The following CPVL variants were observed in gnomAD, a reference collection of about 807,000 sequenced individuals.
CPVL encodes the protein probable serine carboxypeptidase CPVL.
Under a neutral mutation model 63.7 loss-of-function variants are expected in CPVL, and 51 were observed. That is an observed-to-expected ratio of 0.80 (90% confidence interval 0.64 to 1.01). The LOEUF is 1.01. Ranked by LOEUF, CPVL falls within the 50% of genes least tolerant of loss-of-function variation. CPVL has a pLI of 0.00. For missense variants in CPVL, 530 were observed against 573.1 expected (o/e 0.92, Z 0.77); for synonymous variants, 195 against 206.0 (o/e 0.95, Z 0.46).
At chr7:29,027,159 C>T (rs1406079900) in intron 12 of CPVL, among the ~76,000 whole-genome samples, 1 of 152,010 alleles carries the variant, frequency 6.6e-6, no homozygotes. Context: ...GGAATTTATC[C>T]CAGAAATGCA....
chr7:29,164,779 C>CAAAAAAAAA (rs55742522), intron 5 of CPVL, among the ~76,000 whole-genome samples: 1 of 85,880 alleles, frequency 1.2e-5, no homozygotes, highest in South Asian at 4.5e-4. Flanking sequence ...AGACCTGTCT[C>CAAAAAAAAA]AAAAAAAAAA....
chr7:29,145,300 G>A (rs534101087), intron 1 of CPVL, among the ~76,000 whole-genome samples: 9 of 151,878 alleles, frequency 5.9e-5, no homozygotes, highest in Admixed American at 2.0e-4. Context: ...ACATTTAGCC[G>A]GGGAAGGGAA....
intron 2 of CPVL, among the ~76,000 whole-genome samples, chr7:29,120,493 T>C (rs1219985655): frequency 6.6e-6 from 1 of 151,856 alleles, no homozygotes; most frequent in African/African-American, 2.4e-5. Context: ...GTAAAAATAC[T>C]GAAATATATT....
At chr7:29,044,219 C>T (rs1307744542) in intron 11 of CPVL, among the ~76,000 whole-genome samples, 1 of 152,088 alleles carries the variant, frequency 6.6e-6, no homozygotes, top group African/African-American at 2.4e-5. Flanking sequence ...GAGTTCAAGA[C>T]CAGCCTGGTC....
At chr7:29,111,863 T>C (rs1230229322) in intron 3 of CPVL, among the ~76,000 whole-genome samples, 2 of 152,254 alleles carry the variant, frequency 1.3e-5, no homozygotes, top group Non-Finnish European at 2.9e-5. Flanking sequence ...TCCATAGGGA[T>C]AGCTTTTTCT....
chr7:29,071,712 C>CGG, intron 9 of CPVL, 61 bp downstream of exon 9: 12 of 618,252 alleles, frequency 1.9e-5, no homozygotes, highest in Non-Finnish European at 3.1e-5. Context: ...CCTGCTCACC[C>CGG]GCCCTCCCTC....
intron 3 of CPVL, among the ~76,000 whole-genome samples, chr7:29,099,871 C>T (rs1369504230): frequency 6.6e-6 from 1 of 152,184 alleles, no homozygotes; most frequent in Non-Finnish European, 1.5e-5. Context: ...CCTCAGTTTC[C>T]TCGTCTGTCA....
intron 1 of CPVL, among the ~76,000 whole-genome samples, chr7:29,123,678 G>A: frequency 1.0e-5 from 1 of 99,680 alleles, no homozygotes; most frequent in African/African-American, 3.7e-5. Context: ...AAAAAATAAT[G>A]GAAGAAGCTC....
intron 11 of CPVL, among the ~76,000 whole-genome samples, chr7:29,046,602 C>T (rs1584091360): frequency 6.6e-6 from 1 of 151,944 alleles, no homozygotes; most frequent in Admixed American, 6.6e-5. Context: ...CATACTCATA[C>T]ACGGTCTTTG....
At chr7:29,129,755 CACT>C (rs1429385125) in intron 1 of CPVL, among the ~76,000 whole-genome samples, 1 of 152,094 alleles carries the variant, frequency 6.6e-6, no homozygotes, top group Non-Finnish European at 1.5e-5. Context: ...GTGTGAGCCA[CACT>C]ACTTTTAATT....
chr7:29,172,524 T>C (rs1218363545), intron 5 of CPVL, among the ~76,000 whole-genome samples: 1 of 152,224 alleles, frequency 6.6e-6, no homozygotes, highest in Non-Finnish European at 1.5e-5. Flanking sequence ...TTGGAATCAA[T>C]TTGATTTCCC....
chr7:29,147,661 C>G (rs979752923), upstream of CPVL, among the ~76,000 whole-genome samples: 9 of 152,162 alleles, frequency 5.9e-5, no homozygotes, highest in Non-Finnish European at 1.2e-4. Flanking sequence ...GGAAGTACTT[C>G]CTACCCACCT....
At chr7:29,007,756 C>T (rs1258865953) in intron 12 of CPVL, among the ~76,000 whole-genome samples, 3 of 151,558 alleles carry the variant, frequency 2.0e-5, no homozygotes, top group Admixed American at 2.0e-4. Context: ...TATTAAAACA[C>T]ACACACACAC....
At chr7:29,055,979 T>A (rs1790692735) in intron 11 of CPVL, among the ~76,000 whole-genome samples, 1 of 152,152 alleles carries the variant, frequency 6.6e-6, no homozygotes, top group Non-Finnish European at 1.5e-5. Context: ...TCTATCCCCT[T>A]TACTAGGAAG....
At chr7:29,020,192 G>A (rs1168752009) in intron 12 of CPVL, among the ~76,000 whole-genome samples, 2 of 152,134 alleles carry the variant, frequency 1.3e-5, no homozygotes, top group African/African-American at 4.8e-5. Context: ...CACAAGGCTG[G>A]TTCAGGGGAT....
At chr7:29,036,407 C>G (rs1194037826) in intron 11 of CPVL, among the ~76,000 whole-genome samples, 1 of 152,190 alleles carries the variant, frequency 6.6e-6, no homozygotes, top group East Asian at 1.9e-4. Flanking sequence ...ATTGGAGAGA[C>G]TCGACACAGC....
intron 5 of CPVL, among the ~76,000 whole-genome samples, chr7:29,174,877 G>T (rs1047900793): frequency 2.5e-4 from 37 of 145,172 alleles, no homozygotes; most frequent in Non-Finnish European, 2.3e-4. Flanking sequence ...AAAAAAAAAA[G>T]AATTTTTAGA....
intron 4 of CPVL, 44 bp downstream of exon 4, chr7:29,096,059 C>T: frequency 6.9e-7 from 1 of 1,453,444 alleles, no homozygotes; most frequent in Middle Eastern, 1.7e-4. Flanking sequence ...GTATGAGGCT[C>T]AGATGAAAGA....
At chr7:29,064,292 G>A (rs1323519275) in intron 10 of CPVL, 58 bp from the exon 11 acceptor site, 1 of 1,090,190 alleles carries the variant, frequency 9.2e-7, no homozygotes, top group East Asian at 2.4e-5. Flanking sequence ...GGAACAGTAT[G>A]TTGGGAAAAG....
Sources: allele counts gnomAD v4.1 joint callset (sites outside exome capture counted in the v4.1 genomes callset), GRCh38; gene constraint gnomAD v4.1.1; transcripts MANE v1.5; gene names NCBI Gene and HGNC (gene_info 2026-07-23, HGNC 2026-07-21).